CTNND2: variants seen among roughly 807,000 people sequenced by gnomAD.
CTNND2 encodes the protein catenin delta-2.
CTNND2 carries 22 observed loss-of-function variants against 144.4 expected under a neutral mutation model. The ratio of observed to expected loss-of-function variants is 0.15; its 90% confidence interval spans 0.11 to 0.22. The LOEUF is 0.22. CTNND2 is among the 10% of genes least tolerant of loss of function. CTNND2 has a pLI of 1.00. For missense variants in CTNND2, 1,353 were observed against 1,618.8 expected (o/e 0.84, Z 2.82); for synonymous variants, 751 against 695.6 (o/e 1.08, Z -1.25).
chr5:11,848,416 TAAC>T (rs748401326), intron 1 of CTNND2, among the ~76,000 whole-genome samples: 5 of 152,118 alleles, frequency 3.3e-5, no homozygotes, highest in African/African-American at 1.2e-4. Flanking sequence ...AAATTCAAAA[TAAC>T]AACATTAATA....
At chr5:11,779,526 T>A (rs749377514) in intron 1 of CTNND2, among the ~76,000 whole-genome samples, 1 of 152,128 alleles carries the variant, frequency 6.6e-6, no homozygotes, top group Non-Finnish European at 1.5e-5. Flanking sequence ...CAGTTCCAAA[T>A]GTAACATGGG....
At position 11,872,292 on chromosome 5, in the gene CTNND2, A is replaced by G. The variant is rs112725503; in HGVS notation, c.37+31525T>C. 7.4e-3 allele frequency among the ~76,000 whole-genome samples: 1,129 copies of G among 152,302 alleles called. 15 individuals are homozygous for G. Among genetic ancestry groups the G allele is most frequent in the African/African-American group, 0.026 (1,082 of 41,562 alleles). On this transcript the variant is annotated intron_variant, in intron 1 of 21. Transcript: ENST00000304623. ...TTTATCCAGTCTATCACTGATGGGC[A>G]TTTGGGTTGGTTCCAAGTCTTTGTT...
intron 2 of CTNND2, among the ~76,000 whole-genome samples, chr5:11,627,228 T>G (rs1781204877): frequency 6.6e-6 from 1 of 152,178 alleles, no homozygotes; most frequent in African/African-American, 2.4e-5. Flanking sequence ...GGTAGTGCAC[T>G]GAAATGCCCT....
chr5:11,474,541 A>G (rs994224145), intron 3 of CTNND2, among the ~76,000 whole-genome samples: 11 of 152,344 alleles, frequency 7.2e-5, no homozygotes, highest in Admixed American at 6.5e-4. Flanking sequence ...AGCTTTCAAA[A>G]GGCAGAAGGA....
At chr5:11,419,695 C>A (rs1762212834) in intron 3 of CTNND2, among the ~76,000 whole-genome samples, 1 of 152,138 alleles carries the variant, frequency 6.6e-6, no homozygotes, top group South Asian at 2.1e-4. Context: ...AACATCATAG[C>A]CTTAGTAACT....
At chr5:11,309,736 T>C (rs938317521) in intron 9 of CTNND2, among the ~76,000 whole-genome samples, 2 of 152,208 alleles carry the variant, frequency 1.3e-5, no homozygotes, top group Non-Finnish European at 2.9e-5. Flanking sequence ...GGCAGAATGA[T>C]ATCGTTTGGA....
At chr5:10,977,701 C>G (rs1175610915) in intron 21 of CTNND2, among the ~76,000 whole-genome samples, 1 of 152,242 alleles carries the variant, frequency 6.6e-6, no homozygotes, top group Non-Finnish European at 1.5e-5. Context: ...GATCTGCCTG[C>G]CTCGGCCTCC....
At chr5:11,828,050 C>T (rs780054604) in intron 1 of CTNND2, among the ~76,000 whole-genome samples, 1 of 152,138 alleles carries the variant, frequency 6.6e-6, no homozygotes, top group Non-Finnish European at 1.5e-5. Flanking sequence ...TACCAAGAGC[C>T]CAGACCAGCA....
chr5:11,390,000 G>A (rs1301077403), intron 6 of CTNND2, among the ~76,000 whole-genome samples: 1 of 152,190 alleles, frequency 6.6e-6, no homozygotes, highest in Admixed American at 6.5e-5. Flanking sequence ...TTATGGATAC[G>A]CAAGTATTCT....
intron 18 of CTNND2, among the ~76,000 whole-genome samples, chr5:11,005,108 T>C (rs1466079531): frequency 2.0e-5 from 3 of 152,192 alleles, no homozygotes; most frequent in Non-Finnish European, 4.4e-5. Context: ...TGGAGGGTGT[T>C]ATAGTTACAC....
At chr5:11,809,043 C>G (rs1281510856) in intron 1 of CTNND2, among the ~76,000 whole-genome samples, 1 of 152,104 alleles carries the variant, frequency 6.6e-6, no homozygotes, top group Non-Finnish European at 1.5e-5. Context: ...GGATATAATT[C>G]CTTGGTAATG....
chr5:11,050,293 G>A (rs567611087), intron 16 of CTNND2, among the ~76,000 whole-genome samples: 22 of 152,280 alleles, frequency 1.4e-4, no homozygotes, highest in Non-Finnish European at 2.9e-4. Flanking sequence ...CCAGTGAAAA[G>A]AGGTCCAAGG....
At chr5:11,366,200 G>A (rs527640983) in intron 7 of CTNND2, among the ~76,000 whole-genome samples, 42 of 152,228 alleles carry the variant, frequency 2.8e-4, no homozygotes, top group African/African-American at 9.2e-4. Flanking sequence ...ACTCAAAATT[G>A]TAATATTCTT....
At chr5:11,802,632 C>T (rs1791758540) in intron 1 of CTNND2, among the ~76,000 whole-genome samples, 1 of 151,890 alleles carries the variant, frequency 6.6e-6, no homozygotes, top group Non-Finnish European at 1.5e-5. Flanking sequence ...TGACTTGTTA[C>T]CTTGTTACAG....
At chr5:11,667,258 T>G (rs1448604934) in intron 2 of CTNND2, among the ~76,000 whole-genome samples, 3 of 152,140 alleles carry the variant, frequency 2.0e-5, no homozygotes, top group African/African-American at 7.2e-5. Flanking sequence ...GTAGAATGAT[T>G]TATAATCCTT....
At chr5:11,410,381 G>T (rs1164611024) in intron 5 of CTNND2, among the ~76,000 whole-genome samples, 1 of 152,058 alleles carries the variant, frequency 6.6e-6, no homozygotes, top group East Asian at 1.9e-4. Flanking sequence ...TAAAATAAAT[G>T]GTTTTCAAGA....
chr5:11,536,690 A>T (rs1387282527), intron 3 of CTNND2, among the ~76,000 whole-genome samples: 1 of 152,070 alleles, frequency 6.6e-6, no homozygotes, highest in African/African-American at 2.4e-5. Context: ...ATTCAAAGGC[A>T]TAAGAATAAT....
intron 1 of CTNND2, among the ~76,000 whole-genome samples, chr5:11,902,059 G>A (rs1043489236): frequency 3.3e-5 from 5 of 152,126 alleles, no homozygotes; most frequent in African/African-American, 4.8e-5. Flanking sequence ...CAATCAACTT[G>A]AGCCGTATAG....
At chr5:11,512,543 AC>A (rs1214307782) in intron 3 of CTNND2, among the ~76,000 whole-genome samples, 1 of 152,162 alleles carries the variant, frequency 6.6e-6, no homozygotes, top group East Asian at 1.9e-4. Flanking sequence ...TGCCAATATT[AC>A]ATGGACTGAA....
Sources: allele counts gnomAD v4.1 joint callset (sites outside exome capture counted in the v4.1 genomes callset), GRCh38; gene constraint gnomAD v4.1.1; transcripts MANE v1.5; gene names NCBI Gene and HGNC (gene_info 2026-07-23, HGNC 2026-07-21).